The following TAF4B variants were observed in gnomAD, a reference collection of about 807,000 sequenced individuals.
TAF4B encodes transcription initiation factor TFIID subunit 4B.
TAF4B carries 38 observed loss-of-function variants against 86.4 expected under a neutral mutation model. The observed-to-expected ratio is 0.44, with a 90% CI of 0.34 to 0.58. The LOEUF (loss-of-function observed/expected upper bound fraction) is 0.58. TAF4B is among the 20% of genes least tolerant of loss of function. The probability of loss-of-function intolerance (pLI) is 0.02; values close to 1 mark genes in which losing one functional copy is unlikely to be tolerated. For synonymous variants in TAF4B, 388 were observed against 391.2 expected (o/e 0.99, Z 0.10); for missense variants, 988 against 1,027.6 (o/e 0.96, Z 0.53).
At chr18:26,332,590 G>A (rs1055971080) in intron 12 of TAF4B, among the ~76,000 whole-genome samples, 2 of 151,740 alleles carry the variant, frequency 1.3e-5, no homozygotes, top group Admixed American at 6.6e-5. Flanking sequence ...AGTGCAATGG[G>A]GTGGTCTCGG....
At chr18:26,314,465 G>A (rs947364840) in intron 9 of TAF4B, among the ~76,000 whole-genome samples, 1 of 152,052 alleles carries the variant, frequency 6.6e-6, no homozygotes, top group African/African-American at 2.4e-5. Flanking sequence ...TATTTTTTAT[G>A]CACATGTATG....
At chr18:26,251,083 G>A (rs1201244103) in intron 1 of TAF4B, among the ~76,000 whole-genome samples, 2 of 152,192 alleles carry the variant, frequency 1.3e-5, no homozygotes, top group Non-Finnish European at 2.9e-5. Flanking sequence ...ACAACTTAGC[G>A]TCTAAGTGTT....
intron 10 of TAF4B, among the ~76,000 whole-genome samples, chr18:26,315,799 C>G (rs1053948339): frequency 6.6e-6 from 1 of 152,098 alleles, no homozygotes; most frequent in Non-Finnish European, 1.5e-5. Context: ...TTTCCCTTTT[C>G]TTAACCTTGA....
chr18:26,335,375 G>A, intron 13 of TAF4B, 144 bp downstream of exon 13: 1 of 678,470 alleles, frequency 1.5e-6, no homozygotes, highest in Non-Finnish European at 2.6e-6. Context: ...TAAAGGCAAG[G>A]GCAGTACTTC....
At chr18:26,251,717 A>C (rs564503180) in intron 1 of TAF4B, among the ~76,000 whole-genome samples, 1 of 152,342 alleles carries the variant, frequency 6.6e-6, no homozygotes, top group East Asian at 1.9e-4. Context: ...AAACTTGGTC[A>C]CTGGTCTTCA....
At chr18:26,230,290 A>G (rs1043710313) in intron 1 of TAF4B, among the ~76,000 whole-genome samples, 6 of 152,220 alleles carry the variant, frequency 3.9e-5, no homozygotes, top group African/African-American at 1.4e-4. Flanking sequence ...CTTATGAAGC[A>G]GTGAGGTCCC....
chr18:26,248,869 TG>T (rs1431279577), intron 1 of TAF4B, among the ~76,000 whole-genome samples: 2 of 145,624 alleles, frequency 1.4e-5, no homozygotes, highest in African/African-American at 5.0e-5. Flanking sequence ...GTAAAATTTT[TG>T]TTATTAAAAA....
chr18:26,312,902 A>G (rs978749565), intron 9 of TAF4B, among the ~76,000 whole-genome samples: 4 of 152,344 alleles, frequency 2.6e-5, no homozygotes, highest in East Asian at 3.9e-4. Context: ...GTTACTTTCA[A>G]TATCACCAAT....
rs554592862 is a variant in TAF4B, at chr18:26,342,786, T to A, written c.2316+7555T>A. Among the ~76,000 whole-genome samples, 27 of 152,356 alleles carry A rather than the reference T, an allele frequency of 1.8e-4. No individual in the cohort carries two copies. The East Asian group carries it at 5.0e-3, about 28-fold the overall frequency. On this transcript the variant is annotated intron_variant, in intron 13 of 14. Transcript: ENST00000269142. Reference sequence around the variant, plus strand: ...GAAATGAAGGCTTCTGCCTTTTTCATTAGCCATAAAGGAAATAGCATATTC... The same window carrying A: ...GAAATGAAGGCTTCTGCCTTTTTCAATAGCCATAAAGGAAATAGCATATTC...
intron 13 of TAF4B, among the ~76,000 whole-genome samples, chr18:26,356,727 C>A (rs1232240885): frequency 6.7e-6 from 1 of 149,622 alleles, no homozygotes; most frequent in Non-Finnish European, 1.5e-5. Flanking sequence ...GAACATTATT[C>A]TTCTCTTCTG....
chr18:26,377,949 A>C (rs574325198), intron 14 of TAF4B, among the ~76,000 whole-genome samples: 20 of 152,340 alleles, frequency 1.3e-4, no homozygotes, highest in African/African-American at 4.6e-4. Flanking sequence ...AGTAAAGGTA[A>C]TTGTTAGTTA....
At chr18:26,318,764 C>G (rs1397991078) in intron 10 of TAF4B, among the ~76,000 whole-genome samples, 3 of 152,198 alleles carry the variant, frequency 2.0e-5, no homozygotes, top group Non-Finnish European at 4.4e-5. Flanking sequence ...TTAGTGAAGA[C>G]ATTACAACAT....
intron 13 of TAF4B, among the ~76,000 whole-genome samples, chr18:26,355,005 T>A (rs1475182767): frequency 6.6e-6 from 1 of 152,226 alleles, no homozygotes; most frequent in Non-Finnish European, 1.5e-5. Flanking sequence ...CTTTGTTGAG[T>A]CTTACAAGCC....
chr18:26,326,658 C>G (rs1035123229), intron 11 of TAF4B, among the ~76,000 whole-genome samples: 2 of 152,094 alleles, frequency 1.3e-5, no homozygotes, highest in Non-Finnish European at 2.9e-5. Context: ...AGATAATAAT[C>G]TAAAAAGATT....
At chr18:26,294,772 A>G (rs1038413210) in intron 9 of TAF4B, among the ~76,000 whole-genome samples, 9 of 150,204 alleles carry the variant, frequency 6.0e-5, no homozygotes, top group Non-Finnish European at 1.0e-4. Context: ...CATGTACACA[A>G]TAGTTTTTAC....
Position 26,247,780 on chromosome 18 carries a change from G to T in TAF4B, c.344-17390G>T, listed in dbSNP as rs1249032130. On this transcript the variant is annotated intron_variant, in intron 1 of 14. Coordinates refer to ENST00000269142, the MANE Select transcript of TAF4B (RefSeq NM_005640.3). ...ACCTCTAATCCCAGGTACTTGGGAG[G>T]CTGAGGCACGAGAATCACTTGAGCC... is the stretch of plus-strand genomic sequence containing the variant. Among the ~76,000 whole-genome samples the T allele has an allele frequency of 9.9e-5, 15 of 152,274 alleles. No individual in the cohort carries two copies. The East Asian group carries it at 2.9e-3, about 29-fold the overall frequency.
chr18:26,286,336 G>T lies in TAF4B; in HGVS notation c.1427G>T (p.Gly476Val). The change falls in exon 7 of 15, where the codon GGT becomes GTT. Residue 476 changes from glycine to valine, a missense_variant. Gly to Val is a moderately radical substitution (Grantham distance 109). Coordinates refer to ENST00000269142, the MANE Select transcript of TAF4B (RefSeq NM_005640.3). Reference sequence around the variant, plus strand: ...GCAGTAACTTTTGGAGAAACTTCAGGTGCAGCTATTTGTCTTCCATCTGTG... The same window carrying T: ...GCAGTAACTTTTGGAGAAACTTCAGTTGCAGCTATTTGTCTTCCATCTGTG... ...LPAVTFGETSGAAICLPSVKP... is the reference protein window; with the variant it reads ...LPAVTFGETSVAAICLPSVKP... 6 of 1,614,172 alleles carry T rather than the reference G, an allele frequency of 3.7e-6. No individual in the cohort carries two copies. The highest frequency in any genetic ancestry group is 5.1e-6 in the Non-Finnish European group (6 of 1,180,028).
At chr18:26,372,301 C>T (rs2057410901) in intron 14 of TAF4B, among the ~76,000 whole-genome samples, 1 of 152,196 alleles carries the variant, frequency 6.6e-6, no homozygotes, top group South Asian at 2.1e-4. Context: ...TTATTACATT[C>T]CCATTCACCT....
At chr18:26,366,042 G>A (rs182714761) in intron 14 of TAF4B, among the ~76,000 whole-genome samples, 24 of 152,134 alleles carry the variant, frequency 1.6e-4, no homozygotes, top group Admixed American at 1.1e-3. Context: ...CCGCTGCCTC[G>A]GCCTCCTAAA....
Sources: allele counts gnomAD v4.1 joint callset (sites outside exome capture counted in the v4.1 genomes callset), GRCh38; gene constraint gnomAD v4.1.1; transcripts MANE v1.5; gene names NCBI Gene and HGNC (gene_info 2026-07-23, HGNC 2026-07-21).